The following ZNF274 variants were observed in gnomAD, a reference collection of about 807,000 sequenced individuals.
ZNF274 encodes zinc finger protein 274.
In ZNF274, 23 loss-of-function variants were observed where a neutral mutation model predicts 42.5. The observed-to-expected ratio is 0.54, with a 90% CI of 0.39 to 0.77. ZNF274 has a LOEUF of 0.77. ZNF274 is among the 30% of genes least tolerant of loss of function. The pLI, the probability that ZNF274 is intolerant of heterozygous loss-of-function variation, is 0.00. For synonymous variants in ZNF274, 292 were observed against 305.4 expected (o/e 0.96, Z 0.46); for missense variants, 679 against 806.5 (o/e 0.84, Z 1.91).
In ZNF274 at chr19:58,207,606, T is replaced by C. The variant is rs760571906; in HGVS notation, c.739+404T>C. ...AGGAGCTCGAGGTGATGGTGAGGCT[T>C]ATGAAGGTCTGCAGCTGACACCTGG... is the stretch of plus-strand genomic sequence containing the variant. On this transcript the variant is annotated intron_variant, in intron 5 of 7. Transcript: ENST00000617501. The surrounding 1 kb of genome is among the most constrained non-coding windows in gnomAD (Gnocchi z 5.6). 6.6e-6 allele frequency among the ~76,000 whole-genome samples: 1 copy of C among 152,014 alleles called. No homozygotes were observed. Among genetic ancestry groups the C allele is most frequent in the Non-Finnish European group, 1.5e-5 (1 of 68,010 alleles).
intron 4 of ZNF274, among the ~76,000 whole-genome samples, chr19:58,187,463 C>T (rs568410841): frequency 5.9e-5 from 9 of 152,282 alleles, no homozygotes; most frequent in South Asian, 2.1e-4. Flanking sequence ...TCTCTGTCAC[C>T]GAGGCTGGAG....
intron 4 of ZNF274, among the ~76,000 whole-genome samples, chr19:58,194,870 G>A (rs891173643): frequency 2.0e-5 from 3 of 151,948 alleles, no homozygotes; most frequent in East Asian, 1.9e-4. Flanking sequence ...GCACGGTGGC[G>A]GGCGCCAGTA....
At chr19:58,183,836 G>T in intron 1 of ZNF274, 85 bp from the exon 2 acceptor site, 1 of 887,598 alleles carries the variant, frequency 1.1e-6, no homozygotes, top group Non-Finnish European at 1.7e-6. Flanking sequence ...TCCCGCTGAG[G>T]GAGCCGTTCC....
In ZNF274 at chr19:58,212,838, C is replaced by G. The variant is rs146415986; in HGVS notation, c.1657C>G (p.His553Asp). ...TGTTCAGAGCTCTTCCCTCACACAG[C>G]ATCAGAGAGTTCATTCTGGAGAGAG... Reference protein sequence around the residue: ...GFVQSSSLTQHQRVHSGERPF... With the variant: ...GFVQSSSLTQDQRVHSGERPF... The change falls in exon 8 of 8, where the codon CAT becomes GAT. Residue 553 changes from histidine to aspartate, a missense_variant. Around this residue, in one of 2 missense-constraint regions of ZNF274, gnomAD observed 456 missense variants for 590.1 expected, o/e 0.77. Transcript: ENST00000617501. The surrounding 1 kb of genome is among the most constrained non-coding windows in gnomAD (Gnocchi z 4.6). 6.2e-7 allele frequency: 1 copy of G among 1,614,036 alleles called. No individual in the cohort carries two copies. The highest frequency in any genetic ancestry group is 8.5e-7 in the Non-Finnish European group (1 of 1,179,912).
chr19:58,204,505 C>G (rs904308419), intron 4 of ZNF274, among the ~76,000 whole-genome samples: 1 of 152,026 alleles, frequency 6.6e-6, no homozygotes. Context: ...ACGGACTCGG[C>G]GGGTGCGTGA....
intron 4 of ZNF274, chr19:58,202,584 A>G (rs1209431694): frequency 6.6e-6 from 1 of 152,246 alleles, no homozygotes; most frequent in Non-Finnish European, 1.5e-5. Context: ...TCCAGCTGAT[A>G]GGGATTATGC....
chr19:58,186,886 A>G (rs1464681952), intron 3 of ZNF274, 61 bp from the exon 4 acceptor site: 14 of 1,443,672 alleles, frequency 9.7e-6, no homozygotes, highest in Admixed American at 3.8e-5. Flanking sequence ...GTGCTGCAGT[A>G]GGATAGCATT....
rs375734346 is a variant in ZNF274 at position 58,210,005 on chromosome 19, G to A, written c.784G>A (p.Glu262Lys). The change falls in exon 6 of 8, where the codon GAG (glutamate) becomes AAG (lysine). Residue 262 changes from glutamate to lysine, a missense_variant. By Grantham distance (56) the Glu-to-Lys change is moderately conservative (BLOSUM62 1). This residue lies in a region of ZNF274 where 456 missense variants were observed against 590.1 expected (regional missense o/e 0.77). Transcript: ENST00000617501. ...QPAEGTTCCL[E>K]VTAQQEEKQE... ...TGCCGAGGGCACCACCTGCTGCCTC[G>A]AGGTCACTGCCCAGCAGGAGGAGAA... 1.4e-5 allele frequency: 22 copies of A among 1,613,588 alleles called. No homozygotes were observed. The highest frequency in any genetic ancestry group is 8.9e-5 in the East Asian group (4 of 44,888).
At chr19:58,200,525 G>A (rs2075897334) in intron 4 of ZNF274, among the ~76,000 whole-genome samples, 1 of 152,178 alleles carries the variant, frequency 6.6e-6, no homozygotes. Flanking sequence ...GTAGGAAGAT[G>A]GTTCTGAGGA....
rs2075983099 is a variant in ZNF274 at position 58,206,802 on chromosome 19, C to A, written c.339C>A (p.Val113=). Residue 113 remains valine, a synonymous_variant, in exon 5 of 8, where the codon GTC becomes GTA. Transcript: ENST00000617501. ...TAATGAACATTGAGGTTGTTGAGGT[C>A]CTCACACTGAACCAGGAGGTGGCTG... The part of the protein sequence containing the change: ...SPLMNIEVVE[V]LTLNQEVAGP... The A allele has an allele frequency of 4.3e-6, 7 of 1,613,876 alleles. No homozygotes were observed. The East Asian group carries it at 1.6e-4, about 36-fold the overall frequency.
At chr19:58,187,509 C>T (rs997510294) in intron 4 of ZNF274, among the ~76,000 whole-genome samples, 6 of 152,122 alleles carry the variant, frequency 3.9e-5, no homozygotes, top group Admixed American at 3.3e-4. Flanking sequence ...GCACCCTCCG[C>T]GTCCTGGACT....
chr19:58,200,715 T>A lies in ZNF274; in HGVS notation c.257-6005T>A, dbSNP rs185872817. On this transcript the variant is annotated intron_variant, in intron 4 of 7. Transcript: ENST00000617501. The stretch of plus-strand genomic sequence containing the variant: ...AAGATGGTGGCTGTGGGAGACCCCT[T>A]TAGCGTCAAGGACATGAAATAACAG... Among the ~76,000 whole-genome samples, 580 of 152,306 alleles carry A rather than the reference T, an allele frequency of 3.8e-3. 7 individuals are homozygous for A. In the Middle Eastern group the frequency reaches 0.041, roughly 11 times the overall value.
rs1457416657 is a variant in ZNF274 at position 58,211,873 on chromosome 19, T to C, written c.979+187T>C. ...GTCACTGGGTGGCCAGAAGCAGCCT[T>C]AGGTCCGGTGAAGGAGTGATTTGCT... On this transcript the variant is annotated intron_variant, in intron 7 of 7. Coordinates refer to ENST00000617501, the MANE Select transcript of ZNF274 (RefSeq NM_133502.3). This position sits in a 1 kb window ranked among gnomAD's most constrained non-coding sequence, Gnocchi z 4.8. 6.6e-6 allele frequency among the ~76,000 whole-genome samples: 1 copy of C among 152,144 alleles called. No homozygotes were observed. Among genetic ancestry groups the C allele is most frequent in the Non-Finnish European group, 1.5e-5 (1 of 68,014 alleles).
intron 4 of ZNF274, among the ~76,000 whole-genome samples, chr19:58,193,007 C>T (rs987193660): frequency 1.3e-5 from 2 of 152,034 alleles, no homozygotes; most frequent in African/African-American, 4.8e-5. Flanking sequence ...CTGAGATTAC[C>T]GTCTTTAGCT....
chr19:58,193,435 C>T (rs1478680329), intron 4 of ZNF274, among the ~76,000 whole-genome samples: 37 of 146,062 alleles, frequency 2.5e-4, no homozygotes, highest in South Asian at 2.2e-4. Context: ...TGTGAGCCAC[C>T]GCGCCTGGCC....
In ZNF274 at chr19:58,185,854, A is replaced by G. The variant is rs746875052; in HGVS notation, c.160+16A>G. ...GTCTCAGTGGGTAAGGCTGGCCTCCAGGTCAAGAAGGATCTGTGCTTTGTA... is the reference window on the plus strand; with the variant it reads ...GTCTCAGTGGGTAAGGCTGGCCTCCGGGTCAAGAAGGATCTGTGCTTTGTA... On this transcript the variant is annotated intron_variant, in intron 3 of 7. Transcript: ENST00000617501. 9 of 1,356,904 alleles carry G rather than the reference A, an allele frequency of 6.6e-6. No individual in the cohort carries two copies. The highest frequency in any genetic ancestry group is 6.7e-6 in the Non-Finnish European group (7 of 1,043,654). The allele number at this position is 1,356,904 out of a possible 1,614,324, so 84.1% of individuals were successfully genotyped here.
chr19:58,186,902 C>G lies in ZNF274; in HGVS notation c.161-45C>G, dbSNP rs11669824. 3.9e-6 allele frequency: 6 copies of G among 1,553,758 alleles called. No individual in the cohort carries two copies. The East Asian group carries it at 1.4e-4, about 35-fold the overall frequency. On this transcript the variant is annotated intron_variant, in intron 3 of 7. Coordinates refer to ENST00000617501, the MANE Select transcript of ZNF274 (RefSeq NM_133502.3). ...TGCTGCAGTAGGATAGCATTTTCTCCTGAACACAGACCCCCACAAGCCCTG... is the reference window on the plus strand; with the variant it reads ...TGCTGCAGTAGGATAGCATTTTCTCGTGAACACAGACCCCCACAAGCCCTG...
At chr19:58,203,111 T>C (rs2075934037) in intron 4 of ZNF274, among the ~76,000 whole-genome samples, 1 of 152,260 alleles carries the variant, frequency 6.6e-6, no homozygotes, top group South Asian at 2.1e-4. Flanking sequence ...TGTTTAAGTG[T>C]CATGCATGGT....
rs1221412961 is a variant in ZNF274, at chr19:58,188,694, G to GTATATGTATATGTATATA, written c.256+1657_256+1658insGTATATGTATATATATAT. Reference sequence around the variant, plus strand: ...TGTGTGTGTATATATATATGTATATGTATATATATATATATATATATATAT... The same window carrying GTATATGTATATGTATATA: ...TGTGTGTGTATATATATATGTATATGTATATGTATATGTATATATATATATATATATATATATATATAT... On this transcript the variant is annotated intron_variant, in intron 4 of 7. Coordinates refer to ENST00000617501, the MANE Select transcript of ZNF274 (RefSeq NM_133502.3). 5.7e-3 allele frequency among the ~76,000 whole-genome samples: 424 copies of GTATATGTATATGTATATA among 74,604 alleles called. 7 individuals carry two copies. The highest frequency in any genetic ancestry group is 0.022 in the African/African-American group (398 of 18,466). 48.9% of individuals were successfully genotyped at this position (74,604 alleles called of 152,430 possible).
Sources: gnomAD v4.1 joint callset for allele counts (sites outside exome capture counted in the v4.1 genomes callset) on GRCh38, gnomAD v4.1.1 for gene constraint, gnomAD v4.1.1 regional missense constraint, Gnocchi (gnomAD v3.1) non-coding constraint, MANE v1.5 for transcripts, NCBI Gene and HGNC (gene_info 2026-07-23, HGNC 2026-07-21) for gene names.